ATXN1: variants seen among roughly 807,000 people sequenced by gnomAD.
ATXN1 encodes ataxin 1.
In ATXN1, 8 loss-of-function variants were observed where a neutral mutation model predicts 56.4. The observed-to-expected ratio is 0.14, with a 90% CI of 0.08 to 0.26. The LOEUF is 0.26. Among genes scored for constraint, ATXN1 ranks in the 10% least tolerant of loss-of-function variants. The probability of loss-of-function intolerance (pLI) is 1.00; values close to 1 mark genes in which losing one functional copy is unlikely to be tolerated. For missense variants in ATXN1, 987 were observed against 1,106.5 expected (o/e 0.89, Z 1.53); for synonymous variants, 514 against 494.6 (o/e 1.04, Z -0.52).
chr6:16,519,786 C>A (rs1309114240), intron 5 of ATXN1, among the ~76,000 whole-genome samples: 1 of 152,200 alleles, frequency 6.6e-6, no homozygotes, highest in African/African-American at 2.4e-5. Flanking sequence ...CATTCAGAGG[C>A]CTGCAGAACA....
intron 5 of ATXN1, among the ~76,000 whole-genome samples, chr6:16,502,795 C>T (rs1464181600): frequency 6.6e-6 from 1 of 152,130 alleles, no homozygotes; most frequent in Non-Finnish European, 1.5e-5. Context: ...TCTACAAATT[C>T]CTTTTGAGTT....
In ATXN1 at chr6:16,753,075, T is replaced by C. The variant is rs541715202; in HGVS notation, c.-615+158A>G. ...TTAATCGAAGTTTTAAAAAACAATC[T>C]TGGCAATTTCTCAACTTCCCACACT... On this transcript the variant is annotated intron_variant, in intron 2 of 7. Coordinates refer to ENST00000436367, the MANE Select transcript of ATXN1 (RefSeq NM_001128164.2). The C allele has an allele frequency of 1.4e-4, 47 of 348,094 alleles. 2 individuals are homozygous for C. Among genetic ancestry groups the C allele is most frequent in the South Asian group, 1.0e-3 (47 of 46,414 alleles). 21.6% of individuals were successfully genotyped at this position (348,094 alleles called of 1,614,324 possible).
At chr6:16,399,143 C>T (rs1406025290) in intron 6 of ATXN1, among the ~76,000 whole-genome samples, 1 of 152,216 alleles carries the variant, frequency 6.6e-6, no homozygotes, top group Admixed American at 6.5e-5. Context: ...TGTCAATGGA[C>T]TGACCTTGTG....
At chr6:16,695,344 A>G (rs1352056409) in intron 2 of ATXN1, among the ~76,000 whole-genome samples, 1 of 152,228 alleles carries the variant, frequency 6.6e-6, no homozygotes, top group African/African-American at 2.4e-5. Context: ...GAGCCAAGTC[A>G]GTGTTTTGAT....
intron 4 of ATXN1, among the ~76,000 whole-genome samples, chr6:16,533,805 T>G (rs1761547382): frequency 6.6e-6 from 1 of 152,146 alleles, no homozygotes; most frequent in African/African-American, 2.4e-5. Context: ...CTGCTCTGAG[T>G]CTAATTCGGC....
At chr6:16,701,093 G>A (rs1484954663) in intron 2 of ATXN1, among the ~76,000 whole-genome samples, 5 of 152,152 alleles carry the variant, frequency 3.3e-5, no homozygotes, top group African/African-American at 1.2e-4. Context: ...AATGGCATAC[G>A]TGTTGTGACG....
At chr6:16,692,243 G>A (rs920440598) in intron 2 of ATXN1, among the ~76,000 whole-genome samples, 9 of 152,190 alleles carry the variant, frequency 5.9e-5, no homozygotes, top group Admixed American at 2.0e-4. Flanking sequence ...GCGACTGAGC[G>A]AGACTCTGCA....
At chr6:16,728,143 T>C (rs1759889826) in intron 2 of ATXN1, among the ~76,000 whole-genome samples, 2 of 152,314 alleles carry the variant, frequency 1.3e-5, no homozygotes, top group Middle Eastern at 6.8e-3. Flanking sequence ...TCCTTGCTCT[T>C]TCTGCCACAC....
At chr6:16,311,526 C>A (rs954925046) in intron 7 of ATXN1, among the ~76,000 whole-genome samples, 1 of 152,172 alleles carries the variant, frequency 6.6e-6, no homozygotes, top group African/African-American at 2.4e-5. Flanking sequence ...TGCCTTATAG[C>A]CACTCATACA....
chr6:16,530,897 T>C (rs998514699), intron 4 of ATXN1, among the ~76,000 whole-genome samples: 7 of 152,238 alleles, frequency 4.6e-5, no homozygotes, highest in Non-Finnish European at 1.0e-4. Flanking sequence ...ATGCTTATTA[T>C]ACATAATTTT....
chr6:16,438,424 G>A (rs148388307), intron 6 of ATXN1, among the ~76,000 whole-genome samples: 4 of 152,216 alleles, frequency 2.6e-5, no homozygotes, highest in East Asian at 1.9e-4. Flanking sequence ...ACACATAATA[G>A]GACACAGATA....
chr6:16,707,464 T>A (rs1364220098), intron 2 of ATXN1, among the ~76,000 whole-genome samples: 1 of 152,206 alleles, frequency 6.6e-6, no homozygotes, highest in Non-Finnish European at 1.5e-5. Context: ...TAAAGTCTCC[T>A]GGACTTCTTC....
intron 5 of ATXN1, among the ~76,000 whole-genome samples, chr6:16,491,999 C>CA (rs897008920): frequency 6.6e-6 from 1 of 152,022 alleles, no homozygotes; most frequent in Non-Finnish European, 1.5e-5. Flanking sequence ...AAACTAAATA[C>CA]AAAAAACCAT....
At chr6:16,629,696 C>G (rs1763471168) in intron 3 of ATXN1, among the ~76,000 whole-genome samples, 1 of 151,724 alleles carries the variant, frequency 6.6e-6, no homozygotes, top group South Asian at 2.1e-4. Flanking sequence ...TGGGTGGATC[C>G]CCTGAGGTCA....
At chr6:16,757,855 ATTAT>A (rs530412952) in intron 1 of ATXN1, among the ~76,000 whole-genome samples, 64 of 149,472 alleles carry the variant, frequency 4.3e-4, no homozygotes, top group African/African-American at 1.5e-3. Flanking sequence ...TTGCCATAAT[ATTAT>A]TTCTCTTTGC....
intron 2 of ATXN1, among the ~76,000 whole-genome samples, chr6:16,673,020 CAAAA>C (rs559212594): frequency 1.9e-5 from 2 of 105,564 alleles, no homozygotes; most frequent in Non-Finnish European, 1.9e-5. Context: ...TCCCCCCCGC[CAAAA>C]AAAAAAAAAA....
At position 16,556,314 on chromosome 6, in the gene ATXN1, C is replaced by T. The variant is rs145739728; in HGVS notation, c.-361+29466G>A. On this transcript the variant is annotated intron_variant, in intron 4 of 7. Coordinates refer to ENST00000436367, the MANE Select transcript of ATXN1 (RefSeq NM_001128164.2). ...ATACTTTTATCTCGTTTCTTCCATC[C>T]CATTCTTCCACCTTTCTTCCTTTTC... Among the ~76,000 whole-genome samples, 18 of 152,268 alleles carry T rather than the reference C, an allele frequency of 1.2e-4. No individual in the cohort carries two copies. In the East Asian group the frequency reaches 3.3e-3, roughly 28 times the overall value.
intron 6 of ATXN1, among the ~76,000 whole-genome samples, chr6:16,355,051 G>A (rs1398000596): frequency 6.6e-6 from 1 of 152,150 alleles, no homozygotes; most frequent in Non-Finnish European, 1.5e-5. Flanking sequence ...TTGGTGGAGA[G>A]GTATTTATTT....
At chr6:16,494,755 T>C (rs1760738968) in intron 5 of ATXN1, among the ~76,000 whole-genome samples, 1 of 152,254 alleles carries the variant, frequency 6.6e-6, no homozygotes, top group South Asian at 2.1e-4. Context: ...GCTGAGCAGC[T>C]GTAGAACGAC....
Sources: gnomAD v4.1 joint callset for allele counts (sites outside exome capture counted in the v4.1 genomes callset) on GRCh38, gnomAD v4.1.1 for gene constraint, MANE v1.5 for transcripts, NCBI Gene and HGNC (gene_info 2026-07-23, HGNC 2026-07-21) for gene names.